Variants in ITPK1 observed in about 807,000 individuals in gnomAD.
ITPK1 encodes inositol-tetrakisphosphate 1-kinase, also known as inositol 1,3,4-trisphosphate 5/6-kinase.
ITPK1 carries 21 observed loss-of-function variants against 45.3 expected under a neutral mutation model. That is an observed-to-expected ratio of 0.46 (90% CI 0.33 to 0.67). The LOEUF (loss-of-function observed/expected upper bound fraction) is 0.67, where lower values mean the gene tolerates loss of function less well. ITPK1 is among the 30% of genes least tolerant of loss of function. The probability of loss-of-function intolerance (pLI) is 0.02; values close to 1 mark genes in which losing one functional copy is unlikely to be tolerated. For synonymous variants in ITPK1, 258 were observed against 253.6 expected (o/e 1.02, Z -0.16); for missense variants, 474 against 573.5 (o/e 0.83, Z 1.77).
Position 92,941,321 on chromosome 14 carries a change from G to A in ITPK1, c.*240C>T, listed in dbSNP as rs939391912. 1 of 1,409,772 alleles carries A rather than the reference G, an allele frequency of 7.1e-7. No individual in the cohort carries two copies. The highest frequency in any genetic ancestry group is 9.2e-7 in the Non-Finnish European group (1 of 1,089,516). 87.3% of individuals were successfully genotyped at this position (1,409,772 alleles called of 1,614,324 possible). A position where few individuals can be genotyped will look rare whatever the true frequency, so the allele number is the denominator to read the frequency against. ...CAAGCGTGTGTAAACTCAGTTAGGAGGTCTGCACAGTAGAGAGCAGGCGGA... is the reference window on the plus strand; with the variant it reads ...CAAGCGTGTGTAAACTCAGTTAGGAAGTCTGCACAGTAGAGAGCAGGCGGA... On this transcript the variant is annotated 3_prime_UTR_variant, in exon 11 of 11. Coordinates refer to ENST00000267615, the MANE Select transcript of ITPK1 (RefSeq NM_014216.6).
chr14:93,114,816 C>T (rs550745821), intron 2 of ITPK1, among the ~76,000 whole-genome samples: 1 of 152,326 alleles, frequency 6.6e-6, no homozygotes, highest in African/African-American at 2.4e-5. Flanking sequence ...CTGGGGGCCT[C>T]CCCAGCCGGG....
chr14:92,941,721 C>T lies in ITPK1; in HGVS notation c.1085G>A (p.Cys362Tyr), dbSNP rs1036859564. ...CGCGTCCTGGCCCATCATGCTGCCGCAGCAGCCGGGGCTGGCGCTGCATGT... is the reference window on the plus strand; with the variant it reads ...CGCGTCCTGGCCCATCATGCTGCCGTAGCAGCCGGGGCTGGCGCTGCATGT... Reference protein sequence around the residue: ...ERTCSASPGCCGSMMGQDAPW... With the variant: ...ERTCSASPGCYGSMMGQDAPW... The change falls in exon 11 of 11, where the codon TGC (cysteine) becomes TAC (tyrosine). Residue 362 changes from cysteine (C) to tyrosine (Y), a missense_variant. Cys to Tyr is a radical substitution (Grantham distance 194). Transcript: ENST00000267615. The T allele has an allele frequency of 3.8e-6, 6 of 1,582,302 alleles. No individual in the cohort carries two copies. The highest frequency in any genetic ancestry group is 3.5e-5 in the Admixed American group (2 of 57,134).
rs527870261 is a variant in ITPK1 at position 92,946,555 on chromosome 14, G to C, written c.739-62C>G. 1.6e-5 allele frequency: 24 copies of C among 1,512,678 alleles called. No homozygotes were observed. In the South Asian group the frequency reaches 2.4e-4, roughly 15 times the overall value. The allele number at this position is 1,512,678 out of a possible 1,614,324, so 93.7% of individuals were successfully genotyped here. ...AGGAGCTGCGAAGCCACACCACACA[G>C]ACAGACCCCCCACACCAGCTGCCAC... On this transcript the variant is annotated intron_variant, in intron 9 of 10. Transcript: ENST00000267615.
chr14:92,969,688 G>C (rs1885553963), intron 5 of ITPK1, among the ~76,000 whole-genome samples: 1 of 151,962 alleles, frequency 6.6e-6, no homozygotes, highest in Non-Finnish European at 1.5e-5. Context: ...CCAGAATAGA[G>C]ACAGAATGAA....
Position 93,074,609 on chromosome 14 carries a change from T to C in ITPK1, c.120+1986A>G, listed in dbSNP as rs575215025. On this transcript the variant is annotated intron_variant, in intron 3 of 10. Coordinates refer to ENST00000267615, the MANE Select transcript of ITPK1 (RefSeq NM_014216.6). The stretch of plus-strand genomic sequence containing the variant: ...AATGGCTCCCACAGCAGTTCCCCCA[T>C]GGACCCTCCCAAGTGGCTGGGCGGA... Among the ~76,000 whole-genome samples the C allele has an allele frequency of 2.6e-5, 4 of 152,206 alleles. No homozygotes were observed. The East Asian group carries it at 5.8e-4, about 22-fold the overall frequency.
intron 5 of ITPK1, among the ~76,000 whole-genome samples, chr14:92,963,176 C>T (rs1490307940): frequency 1.3e-5 from 2 of 152,246 alleles, no homozygotes; most frequent in African/African-American, 4.8e-5. Flanking sequence ...CCCACGCGTA[C>T]ATTTACACGC....
Position 93,074,495 on chromosome 14 carries a change from G to A in ITPK1, c.120+2100C>T, listed in dbSNP as rs149593778. ...CCACTGTGTGACAGTTTGAGGTCGCGTATGGACAGGATCAGGCATGGGGGA... is the reference window on the plus strand; with the variant it reads ...CCACTGTGTGACAGTTTGAGGTCGCATATGGACAGGATCAGGCATGGGGGA... On this transcript the variant is annotated intron_variant, in intron 3 of 10. Transcript: ENST00000267615. 2.6e-5 allele frequency among the ~76,000 whole-genome samples: 4 copies of A among 152,334 alleles called. No individual in the cohort carries two copies. In the East Asian group the frequency reaches 5.8e-4, roughly 22 times the overall value.
chr14:93,092,480 C>G (rs1891901940), intron 2 of ITPK1, among the ~76,000 whole-genome samples: 2 of 152,218 alleles, frequency 1.3e-5, no homozygotes, highest in Admixed American at 1.3e-4. Flanking sequence ...CAAAGCAGGC[C>G]TGACCCACTG....
chr14:93,052,642 G>A (rs966931152), intron 3 of ITPK1, among the ~76,000 whole-genome samples: 32 of 152,184 alleles, frequency 2.1e-4, no homozygotes, highest in Non-Finnish European at 3.2e-4. Context: ...CTGGAAGTTC[G>A]CCCCCAAGCC....
rs1057086580 is a variant in ITPK1, at chr14:93,063,183, T to A, written c.120+13412A>T. On this transcript the variant is annotated intron_variant, in intron 3 of 10. Coordinates refer to ENST00000267615, the MANE Select transcript of ITPK1 (RefSeq NM_014216.6). This position sits in a 1 kb window ranked among gnomAD's most constrained non-coding sequence, Gnocchi z 4.3. Reference sequence around the variant, plus strand: ...GCTGCCGATGATCCTGTCAAAACACTGTAAATAACTTATTTCTACTTGGCA... The same window carrying A: ...GCTGCCGATGATCCTGTCAAAACACAGTAAATAACTTATTTCTACTTGGCA... Among the ~76,000 whole-genome samples, 3 of 152,044 alleles carry A rather than the reference T, an allele frequency of 2.0e-5. No homozygotes were observed. The highest frequency in any genetic ancestry group is 1.3e-4 in the Admixed American group (2 of 15,272).
At position 93,032,663 on chromosome 14, in the gene ITPK1, C is replaced by G. The variant is rs1889130346; in HGVS notation, c.121-15862G>C. On this transcript the variant is annotated intron_variant, in intron 3 of 10. Coordinates refer to ENST00000267615, the MANE Select transcript of ITPK1 (RefSeq NM_014216.6). The surrounding 1 kb of genome is among the most constrained non-coding windows in gnomAD (Gnocchi z 4.0). Reference sequence around the variant, plus strand: ...CAATGGGAGGAAGTCCCCCAGGGACCACATACACACCATGCTGGGCGGGGC... The same window carrying G: ...CAATGGGAGGAAGTCCCCCAGGGACGACATACACACCATGCTGGGCGGGGC... Among the ~76,000 whole-genome samples, 1 of 152,188 alleles carries G rather than the reference C, an allele frequency of 6.6e-6. No individual in the cohort carries two copies. The highest frequency in any genetic ancestry group is 6.5e-5 in the Admixed American group (1 of 15,280).
At chr14:93,040,671 C>G (rs943887447) in intron 3 of ITPK1, among the ~76,000 whole-genome samples, 4 of 152,160 alleles carry the variant, frequency 2.6e-5, no homozygotes, top group Non-Finnish European at 5.9e-5. Context: ...CCATTCAATG[C>G]CCCCCTCTCC....
intron 7 of ITPK1, among the ~76,000 whole-genome samples, chr14:92,961,706 G>A (rs957519970): frequency 3.9e-5 from 6 of 152,204 alleles, no homozygotes; most frequent in South Asian, 4.1e-4. Flanking sequence ...GGCATGACTC[G>A]CACAAGCTCC....
intron 3 of ITPK1, among the ~76,000 whole-genome samples, chr14:93,045,832 G>A (rs1302990108): frequency 2.0e-5 from 3 of 151,918 alleles, no homozygotes; most frequent in Non-Finnish European, 2.9e-5. Context: ...AATCCACCCT[G>A]GGCCAGAACT....
chr14:92,952,875 G>C (rs1888023828), intron 8 of ITPK1, among the ~76,000 whole-genome samples: 1 of 152,270 alleles, frequency 6.6e-6, no homozygotes, highest in African/African-American at 2.4e-5. Context: ...GCAAATGCAA[G>C]AATTGCAGAA....
rs752058496 is a variant in ITPK1, at chr14:93,016,818, A to G, written c.121-17T>C. On this transcript the variant is annotated splice_polypyrimidine_tract_variant and intron_variant, in intron 3 of 10. Transcript: ENST00000267615. This position sits in a 1 kb window ranked among gnomAD's most constrained non-coding sequence, Gnocchi z 5.0. The stretch of plus-strand genomic sequence containing the variant: ...AAGGTTCAGCTGTGAGGCAGGGAAC[A>G]CAGACAAAAGCAACAACTTCAGCAC... 2 of 1,613,272 alleles carry G rather than the reference A, an allele frequency of 1.2e-6. No homozygotes were observed. The highest frequency in any genetic ancestry group is 1.7e-6 in the Non-Finnish European group (2 of 1,179,450).
intron 3 of ITPK1, chr14:93,071,385 A>C (rs996655621): frequency 6.6e-6 from 1 of 152,266 alleles, no homozygotes. Flanking sequence ...GATTTGCCTC[A>C]GGCCTGGTTC....
chr14:93,042,894 T>C (rs1170607141), intron 3 of ITPK1, among the ~76,000 whole-genome samples: 1 of 152,044 alleles, frequency 6.6e-6, no homozygotes, highest in Non-Finnish European at 1.5e-5. Context: ...GGCGTGCACC[T>C]GCAATCGCAG....
intron 3 of ITPK1, among the ~76,000 whole-genome samples, chr14:93,059,437 G>A (rs372999515): frequency 1.3e-5 from 1 of 75,936 alleles, no homozygotes; most frequent in Non-Finnish European, 2.6e-5. Flanking sequence ...TGCTGATCCC[G>A]AGGCAGGGAC....
Sources: gnomAD v4.1 joint callset for allele counts (sites outside exome capture counted in the v4.1 genomes callset) on GRCh38, gnomAD v4.1.1 for gene constraint, Gnocchi (gnomAD v3.1) non-coding constraint, MANE v1.5 for transcripts, NCBI Gene and HGNC (gene_info 2026-07-23, HGNC 2026-07-21) for gene names.